Variants in NUP214 observed in about 807,000 individuals in gnomAD.
NUP214 encodes nuclear pore complex protein Nup214.
Under a neutral mutation model 196.2 loss-of-function variants are expected in NUP214, and 79 were observed. That is an observed-to-expected ratio of 0.40 (90% CI 0.34 to 0.49). The LOEUF is 0.49. NUP214 is among the 20% of genes least tolerant of loss of function. The probability of loss-of-function intolerance (pLI) is 0.58; values close to 1 mark genes in which losing one functional copy is unlikely to be tolerated. For synonymous variants in NUP214, 1,020 were observed against 990.5 expected, an observed-to-expected ratio of 1.03 and a Z score of -0.56; for missense variants, 2,468 against 2,539.0, an observed-to-expected ratio of 0.97 and a Z score of 0.60.
Position 131,201,602 on chromosome 9 carries a change from C to T in NUP214, c.5522-45C>T, listed in dbSNP as rs372160202. On this transcript the variant is annotated intron_variant, in intron 29 of 35. Transcript: ENST00000359428. Reference sequence around the variant, plus strand: ...AACAAAACTTTAATGTTGTAAAAGACTCATCCAATCCAAATTGAATTTTTG... The same window carrying T: ...AACAAAACTTTAATGTTGTAAAAGATTCATCCAATCCAAATTGAATTTTTG... 3.7e-5 allele frequency: 52 copies of T among 1,406,620 alleles called. 1 individual carries two copies. The African/African-American group carries it at 4.5e-4, about 12-fold the overall frequency. 87.1% of individuals were successfully genotyped at this position (1,406,620 alleles called of 1,614,324 possible).
intron 34 of NUP214, among the ~76,000 whole-genome samples, chr9:131,231,128 G>A (rs148403328): frequency 3.4e-3 from 517 of 152,270 alleles, no homozygotes; most frequent in Middle Eastern, 0.014. Flanking sequence ...CAGCCTGGGT[G>A]ACAGAATGAG....
chr9:131,228,393 G>A (rs1175211541), intron 33 of NUP214, 62 bp downstream of exon 33: 2 of 1,484,112 alleles, frequency 1.3e-6, no homozygotes, highest in East Asian at 5.2e-5. Flanking sequence ...CTAGGGGCCT[G>A]TACTCTTGCT....
rs200065674 is a variant in NUP214, at chr9:131,147,552, A to G, written c.2008A>G (p.Thr670Ala). ...AATGGTACAGAAATCACCCAGGATA[A>G]CCCCTCCAGCGGCAAAGCCAGGCTC... is the stretch of plus-strand genomic sequence containing the variant. ...PSMVQKSPRITPPAAKPGSPQ... is the reference protein window; with the variant it reads ...PSMVQKSPRIAPPAAKPGSPQ... The change falls in exon 14 of 36, where the codon ACC (threonine) becomes GCC (alanine). Residue 670 changes from threonine to alanine, a missense_variant. Coordinates refer to ENST00000359428, the MANE Select transcript of NUP214 (RefSeq NM_005085.4). 40 of 1,613,912 alleles carry G rather than the reference A, an allele frequency of 2.5e-5. No individual in the cohort carries two copies. The highest frequency in any genetic ancestry group is 5.1e-6 in the Non-Finnish European group (6 of 1,179,950).
At chr9:131,196,025 T>TC (rs1365777357) in intron 28 of NUP214, among the ~76,000 whole-genome samples, 62 of 3,652 alleles carry the variant, frequency 0.017, 3 homozygotes, top group South Asian at 0.056. Context: ...ACTCTGTGTG[T>TC]CCCCCCCCCC....
chr9:131,178,703 A>ATTTT (rs11454350), intron 24 of NUP214, among the ~76,000 whole-genome samples: 1 of 141,240 alleles, frequency 7.1e-6, no homozygotes, highest in Non-Finnish European at 1.5e-5. Flanking sequence ...GTGCAGGTTG[A>ATTTT]TTTTTTTTTT....
At chr9:131,191,919 C>T (rs1175674689) in intron 26 of NUP214, 11 of 238,014 alleles carry the variant, frequency 4.6e-5, no homozygotes, top group Admixed American at 1.1e-4. Context: ...TAAAACTGTA[C>T]ATTTAAACTA....
intron 14 of NUP214, among the ~76,000 whole-genome samples, chr9:131,148,586 T>G (rs2133506496): frequency 6.6e-6 from 1 of 152,342 alleles, no homozygotes; most frequent in South Asian, 2.1e-4. Context: ...ACTCTTGGTA[T>G]TTTTCATCTT....
At chr9:131,183,093 C>T (rs1003145066) in intron 24 of NUP214, among the ~76,000 whole-genome samples, 1 of 152,276 alleles carries the variant, frequency 6.6e-6, no homozygotes, top group African/African-American at 2.4e-5. Flanking sequence ...CTTTCCTCCC[C>T]ACTACCCCCC....
At chr9:131,127,806 C>A (rs1831409252) in intron 2 of NUP214, 87 bp downstream of exon 2, 1 of 941,744 alleles carries the variant, frequency 1.1e-6, no homozygotes, top group Non-Finnish European at 1.6e-6. Context: ...CATTCTAATA[C>A]TAAAATGAAC....
intron 30 of NUP214, among the ~76,000 whole-genome samples, chr9:131,207,394 C>T (rs1195049021): frequency 6.6e-6 from 1 of 152,208 alleles, no homozygotes; most frequent in Non-Finnish European, 1.5e-5. Context: ...ACTCTGATGT[C>T]AGTGGTTGGC....
chr9:131,233,961 G>GTTCT lies in NUP214; in HGVS notation c.*477_*480dup. ...TGAAACTTGGTTATCTCCTCTCCTT[G>GTTCT]TTCTTTTAGCCATTGTGTATCAGGA... is the stretch of plus-strand genomic sequence containing the variant. On this transcript the variant is annotated 3_prime_UTR_variant, in exon 36 of 36. Coordinates refer to ENST00000359428, the MANE Select transcript of NUP214 (RefSeq NM_005085.4). 1 of 304,588 alleles carries GTTCT rather than the reference G, an allele frequency of 3.3e-6. No homozygotes were observed. Among genetic ancestry groups the GTTCT allele is most frequent in the Non-Finnish European group, 6.3e-6 (1 of 159,902 alleles). The allele number at this position is 304,588 out of a possible 1,614,324, so 18.9% of individuals were successfully genotyped here. A position where few individuals can be genotyped will look rare whatever the true frequency, so the allele number is the denominator to read the frequency against.
intron 7 of NUP214, among the ~76,000 whole-genome samples, 165 bp downstream of exon 7, chr9:131,133,374 A>G (rs2478783): frequency 0.97 from 145,248 of 149,796 alleles, 70,599 homozygotes; most frequent in East Asian, 1. Flanking sequence ...ATGCGATCTC[A>G]CCTCACTGAA....
At position 131,230,699 on chromosome 9, in the gene NUP214, A is replaced by T; in HGVS notation, c.6144A>T (p.Ser2048=). Residue 2048 remains serine, a synonymous_variant, in exon 34 of 36, where the codon TCA becomes TCT. Coordinates refer to ENST00000359428, the MANE Select transcript of NUP214 (RefSeq NM_005085.4). The part of the protein sequence containing the change: ...LASQNAPTFG[S]LSQQTSGFGT... ...GTCAGAATGCCCCCACTTTCGGATC[A>T]CTGTCCCAACAGACTTCTGGTTTTG... The T allele has an allele frequency of 6.2e-7, 1 of 1,614,134 alleles. No homozygotes were observed. The highest frequency in any genetic ancestry group is 8.5e-7 in the Non-Finnish European group (1 of 1,180,024).
Position 131,139,304 on chromosome 9 carries a change from G to T in NUP214, c.1029G>T (p.Leu343=). ...SDQINWESWL[L]EDSSRAELPV... ...AGATTAATTGGGAATCTTGGCTACT[G>T]GAGGATTCTAGTCGAGCTGAATTGC... is the stretch of plus-strand genomic sequence containing the variant. Residue 343 remains leucine, a synonymous_variant, in exon 10 of 36, where the codon CTG becomes CTT. Coordinates refer to ENST00000359428, the MANE Select transcript of NUP214 (RefSeq NM_005085.4). The T allele has an allele frequency of 1.3e-6, 2 of 1,488,880 alleles. No individual in the cohort carries two copies. Among genetic ancestry groups the T allele is most frequent in the Non-Finnish European group, 1.8e-6 (2 of 1,118,614 alleles). 92.2% of individuals were successfully genotyped at this position (1,488,880 alleles called of 1,614,324 possible).
Position 131,230,755 on chromosome 9 carries a change from G to A in NUP214, c.6200G>A (p.Gly2067Glu). The A allele has an allele frequency of 6.2e-7, 1 of 1,613,720 alleles. No homozygotes were observed. The change falls in exon 34 of 36, where the codon GGA becomes GAA. Residue 2067 changes from glycine to glutamate, a missense_variant. Transcript: ENST00000359428. ...CAGAGTAGCGGATTCTCTGGTTTTG[G>A]ATCAGGCACAGGAGGTAAGCTGCCA... ...GTQSSGFSGFGSGTGGFSFGS... is the reference protein window; with the variant it reads ...GTQSSGFSGFESGTGGFSFGS...
intron 22 of NUP214, 137 bp downstream of exon 22, chr9:131,174,455 C>CT (rs11397164): frequency 1.1e-4 from 51 of 451,028 alleles, no homozygotes; most frequent in African/African-American, 6.6e-4. Context: ...TTCTTTTTTT[C>CT]TTTTTTTTTT....
intron 32 of NUP214, among the ~76,000 whole-genome samples, chr9:131,224,244 A>G (rs924053409): frequency 3.3e-5 from 5 of 152,214 alleles, no homozygotes; most frequent in African/African-American, 1.2e-4. Context: ...ATTTATAACT[A>G]CAAATTTTTA....
intron 23 of NUP214, 143 bp from the exon 24 acceptor site, chr9:131,178,168 G>T: frequency 1.6e-6 from 1 of 636,414 alleles, no homozygotes; most frequent in South Asian, 1.9e-5. Context: ...AATGCTGCAA[G>T]AACTACCTAG....
chr9:131,144,249 A>G (rs774219113), intron 11 of NUP214, 31 bp from the exon 12 acceptor site: 2 of 1,534,928 alleles, frequency 1.3e-6, no homozygotes, highest in East Asian at 4.5e-5. Flanking sequence ...TTACAGTGTT[A>G]ACATTTTCCT....
Sources: gnomAD v4.1 joint callset for allele counts (sites outside exome capture counted in the v4.1 genomes callset) on GRCh38, gnomAD v4.1.1 for gene constraint, MANE v1.5 for transcripts, NCBI Gene and HGNC (gene_info 2026-07-23, HGNC 2026-07-21) for gene names.